JADE1: variants seen among roughly 807,000 people sequenced by gnomAD.
JADE1 encodes protein Jade-1.
A neutral mutation model predicts 81.8 loss-of-function variants in JADE1; 14 were observed. That is an observed-to-expected ratio of 0.17 (90% CI 0.11 to 0.27). The LOEUF (loss-of-function observed/expected upper bound fraction) is 0.27. Ranked by LOEUF, JADE1 falls within the 10% of genes least tolerant of loss-of-function variation. The pLI is 1.00. For synonymous variants in JADE1, 353 were observed against 391.9 expected, an observed-to-expected ratio of 0.90 and a Z score of 1.17; for missense variants, 690 against 1,047.9, an observed-to-expected ratio of 0.66 and a Z score of 4.71.
At chr4:128,812,053 G>T (rs946872687) in intron 1 of JADE1, 3 of 152,062 alleles carry the variant, frequency 2.0e-5, no homozygotes, top group African/African-American at 7.2e-5. Flanking sequence ...ACGCGAGGGA[G>T]CGTTTGATTT....
intron 1 of JADE1, among the ~76,000 whole-genome samples, chr4:128,817,306 C>T (rs868798098): frequency 4.2e-5 from 6 of 142,596 alleles, no homozygotes; most frequent in African/African-American, 1.0e-4. Flanking sequence ...TTCCTAACTG[C>T]GATTACAAGT....
In JADE1 at chr4:128,847,633, G is replaced by A. The variant is rs151127191; in HGVS notation, c.296+1101G>A. Reference sequence around the variant, plus strand: ...AGCCCCAGTCCAGGAATCACTTGCTGAATGCTTCACTTTCAGTGGGGAGCC... The same window carrying A: ...AGCCCCAGTCCAGGAATCACTTGCTAAATGCTTCACTTTCAGTGGGGAGCC... On this transcript the variant is annotated intron_variant, in intron 4 of 10. Transcript: ENST00000226319. Among the ~76,000 whole-genome samples the A allele has an allele frequency of 5.9e-5, 9 of 152,330 alleles. No homozygotes were observed. The East Asian group carries it at 1.7e-3, about 29-fold the overall frequency.
intron 2 of JADE1, among the ~76,000 whole-genome samples, chr4:128,836,403 A>T (rs1449896780): frequency 6.6e-6 from 1 of 152,102 alleles, no homozygotes. Context: ...ATATATGTAT[A>T]TATATAAAAT....
intron 1 of JADE1, among the ~76,000 whole-genome samples, chr4:128,822,825 C>T (rs1727708267): frequency 6.6e-6 from 1 of 152,114 alleles, no homozygotes; most frequent in South Asian, 2.1e-4. Flanking sequence ...CAGAGATGAC[C>T]ACTATGAACA....
At position 128,848,915 on chromosome 4, in the gene JADE1, T is replaced by C; in HGVS notation, c.297-65T>C. ...TGGAAGAGGAAGACATTTGGGGCCT[T>C]GTGGCACACTTCATTGTCTGTGGCT... is the stretch of plus-strand genomic sequence containing the variant. On this transcript the variant is annotated intron_variant, in intron 4 of 10. Coordinates refer to ENST00000226319, the MANE Select transcript of JADE1 (RefSeq NM_199320.4). 5 of 1,537,538 alleles carry C rather than the reference T, an allele frequency of 3.3e-6. No homozygotes were observed. In the South Asian group the frequency reaches 5.7e-5, roughly 18 times the overall value.
At chr4:128,810,418 G>C (rs1037664369) in intron 1 of JADE1, 7 of 146,962 alleles carry the variant, frequency 4.8e-5, no homozygotes, top group Non-Finnish European at 9.0e-5. Context: ...TTTAGGAGCA[G>C]AAGCCCAGTT....
chr4:128,833,813 A>G (rs1728753296), intron 2 of JADE1, among the ~76,000 whole-genome samples: 1 of 152,236 alleles, frequency 6.6e-6, no homozygotes, highest in African/African-American at 2.4e-5. Context: ...TTTTCTTGGC[A>G]TTGAGCATCA....
At chr4:128,828,789 C>A (rs1728280401) in intron 1 of JADE1, among the ~76,000 whole-genome samples, 1 of 152,014 alleles carries the variant, frequency 6.6e-6, no homozygotes, top group Admixed American at 6.6e-5. Context: ...TTCTTAAAAG[C>A]TACTCTGTTA....
At chr4:128,830,098 G>T (rs1421831537) in intron 1 of JADE1, among the ~76,000 whole-genome samples, 1 of 149,802 alleles carries the variant, frequency 6.7e-6, no homozygotes, top group African/African-American at 2.5e-5. Context: ...GGCTGGTCTC[G>T]AACTGCTGAC....
At position 128,846,160 on chromosome 4, in the gene JADE1, A is replaced by G. The variant is rs1036960368; in HGVS notation, c.139-215A>G. ...TGTTGTGGACACTATGGACTGAGGG[A>G]GTGAGAGGGCAGTGTTCCCTCAGCA... On this transcript the variant is annotated intron_variant, in intron 3 of 10. Transcript: ENST00000226319. This position sits in a 1 kb window ranked among gnomAD's most constrained non-coding sequence, Gnocchi z 4.0. 4.6e-5 allele frequency among the ~76,000 whole-genome samples: 7 copies of G among 151,994 alleles called. No individual in the cohort carries two copies. Among genetic ancestry groups the G allele is most frequent in the African/African-American group, 1.5e-4 (6 of 41,370 alleles).
intron 2 of JADE1, among the ~76,000 whole-genome samples, chr4:128,837,844 G>A (rs940882728): frequency 4.6e-5 from 7 of 152,210 alleles, no homozygotes; most frequent in African/African-American, 1.7e-4. Flanking sequence ...ACCGCTGTTT[G>A]ATCAGTGGCA....
chr4:128,818,685 T>C (rs905430048), intron 1 of JADE1, among the ~76,000 whole-genome samples: 5 of 152,218 alleles, frequency 3.3e-5, no homozygotes, highest in Admixed American at 2.0e-4. Flanking sequence ...AGAGCAACCA[T>C]GGGCAAAATG....
At position 128,871,379 on chromosome 4, in the gene JADE1, C is replaced by T. The variant is rs1174507654; in HGVS notation, c.1646C>T (p.Ser549Phe). ...VSGVPSSCSS[S>F]SLENMLLFNS... ...GGTGTGCCTTCTTCCTGCTCCTCCTCCTCACTGGAAAACATGCTTTTGTTT... is the reference window on the plus strand; with the variant it reads ...GGTGTGCCTTCTTCCTGCTCCTCCTTCTCACTGGAAAACATGCTTTTGTTT... Residue 549 changes from serine to phenylalanine, a missense_variant, in exon 11 of 11, where the codon TCC becomes TTC. By Grantham distance (155) the Ser-to-Phe change is radical. Transcript: ENST00000226319. The surrounding 1 kb of genome is among the most constrained non-coding windows in gnomAD (Gnocchi z 4.1). The T allele has an allele frequency of 3.7e-6, 6 of 1,613,658 alleles. No homozygotes were observed. The highest frequency in any genetic ancestry group is 1.7e-5 in the Admixed American group (1 of 60,000).
At chr4:128,843,324 T>C (rs1729604744) in intron 3 of JADE1, among the ~76,000 whole-genome samples, 1 of 152,246 alleles carries the variant, frequency 6.6e-6, no homozygotes, top group Non-Finnish European at 1.5e-5. Flanking sequence ...ATTCTTTTTT[T>C]CCTTTCTTGT....
At chr4:128,855,539 C>G in intron 6 of JADE1, 91 bp from the exon 7 acceptor site, 3 of 1,299,450 alleles carry the variant, frequency 2.3e-6, no homozygotes, top group Non-Finnish European at 3.1e-6. Flanking sequence ...CTGTTAAAAT[C>G]TTTCTAAGTG....
At chr4:128,832,578 A>G (rs984835410) in intron 2 of JADE1, among the ~76,000 whole-genome samples, 1 of 152,236 alleles carries the variant, frequency 6.6e-6, no homozygotes, top group Non-Finnish European at 1.5e-5. Flanking sequence ...CCTGCTTTCA[A>G]GGAACTCTGC....
intron 1 of JADE1, among the ~76,000 whole-genome samples, chr4:128,830,543 T>C (rs1728464411): frequency 6.6e-6 from 1 of 152,142 alleles, no homozygotes; most frequent in Non-Finnish European, 1.5e-5. Context: ...CACATTTGCA[T>C]TGTTAACACC....
Position 128,861,786 on chromosome 4 carries a change from A to G in JADE1, c.1064A>G (p.Glu355Gly), listed in dbSNP as rs765685925. The stretch of plus-strand genomic sequence containing the variant: ...CTGGAGATGAAGACCATCTTAGCAG[A>G]GAATGATGAAGTCAAGTTCAAGTCC... Reference protein sequence around the residue: ...RGLEMKTILAENDEVKFKSYC... With the variant: ...RGLEMKTILAGNDEVKFKSYC... Residue 355 changes from glutamate (E) to glycine (G), a missense_variant, in exon 9 of 11, where the codon GAG (glutamate) becomes GGG (glycine). Transcript: ENST00000226319. 10 of 1,614,222 alleles carry G rather than the reference A, an allele frequency of 6.2e-6. No individual in the cohort carries two copies. The highest frequency in any genetic ancestry group is 7.6e-6 in the Non-Finnish European group (9 of 1,180,024).
At chr4:128,812,798 G>T (rs1236973620) in intron 1 of JADE1, among the ~76,000 whole-genome samples, 1 of 152,266 alleles carries the variant, frequency 6.6e-6, no homozygotes, top group African/African-American at 2.4e-5. Context: ...TACTTCGGCA[G>T]GGGCGAGGGG....
Sources: gnomAD v4.1 joint callset for allele counts (sites outside exome capture counted in the v4.1 genomes callset) on GRCh38, gnomAD v4.1.1 for gene constraint, Gnocchi (gnomAD v3.1) non-coding constraint, MANE v1.5 for transcripts, NCBI Gene and HGNC (gene_info 2026-07-23, HGNC 2026-07-21) for gene names.